The following ENOX1 variants were observed in gnomAD, a reference collection of about 807,000 sequenced individuals.
ENOX1 encodes candidate growth-related and time keeping constitutive hydroquinone (NADH) oxidase.
Under a neutral mutation model 82.5 loss-of-function variants are expected in ENOX1, and 42 were observed. The ratio of observed to expected loss-of-function variants is 0.51; its 90% CI spans 0.40 to 0.66. ENOX1 has a LOEUF of 0.66. Ranked by LOEUF, ENOX1 falls within the 30% of genes least tolerant of loss-of-function variation. The pLI is 0.00. For synonymous variants in ENOX1, 271 were observed against 282.2 expected (o/e 0.96, Z 0.40); for missense variants, 608 against 811.6 (o/e 0.75, Z 3.05).
chr13:43,477,517 C>A (rs1415154716), intron 3 of ENOX1, among the ~76,000 whole-genome samples: 1 of 152,022 alleles, frequency 6.6e-6, no homozygotes, highest in Non-Finnish European at 1.5e-5. Flanking sequence ...GATTATTTTC[C>A]ATCTTCAGAA....
intron 15 of ENOX1, among the ~76,000 whole-genome samples, chr13:43,236,317 G>A (rs2153458973): frequency 6.6e-6 from 1 of 152,300 alleles, no homozygotes; most frequent in African/African-American, 2.4e-5. Context: ...GGAACTAGAT[G>A]CAACCTGGCC....
chr13:43,728,006 T>G (rs2089095273), intron 1 of ENOX1, among the ~76,000 whole-genome samples: 1 of 152,234 alleles, frequency 6.6e-6, no homozygotes, highest in Admixed American at 6.5e-5. Context: ...TGCAATAGTT[T>G]AATGTACTAA....
At chr13:43,376,151 G>A (rs2051619898) in intron 5 of ENOX1, among the ~76,000 whole-genome samples, 1 of 152,094 alleles carries the variant, frequency 6.6e-6, no homozygotes, top group Non-Finnish European at 1.5e-5. Context: ...AGATCTTCAT[G>A]TTTTTTCAAA....
chr13:43,307,449 T>C (rs1030986075), intron 11 of ENOX1, among the ~76,000 whole-genome samples: 2 of 152,168 alleles, frequency 1.3e-5, no homozygotes, highest in Admixed American at 1.3e-4. Flanking sequence ...CATGCCAACA[T>C]TTTAGAGCCA....
intron 8 of ENOX1, among the ~76,000 whole-genome samples, chr13:43,345,187 G>A (rs9533459): frequency 0.27 from 40,920 of 152,084 alleles, 6,335 homozygotes; most frequent in Non-Finnish European, 0.35. Flanking sequence ...AATCAGCTGA[G>A]TTAGTATTAA....
At chr13:43,624,379 T>C (rs2082877004) in intron 2 of ENOX1, among the ~76,000 whole-genome samples, 1 of 152,174 alleles carries the variant, frequency 6.6e-6, no homozygotes, top group Non-Finnish European at 1.5e-5. Context: ...GCTTATATTT[T>C]CATCTACTCA....
At chr13:43,697,155 G>A (rs1411107407) in intron 1 of ENOX1, among the ~76,000 whole-genome samples, 4 of 152,140 alleles carry the variant, frequency 2.6e-5, no homozygotes, top group Admixed American at 1.3e-4. Flanking sequence ...TAGTAGGAGC[G>A]GGAAGGAAAT....
At chr13:43,735,621 T>C (rs886508008) in intron 1 of ENOX1, among the ~76,000 whole-genome samples, 16 of 151,978 alleles carry the variant, frequency 1.1e-4, no homozygotes, top group East Asian at 3.9e-4. Flanking sequence ...CTTGGGAGGC[T>C]GAGGCAGGAG....
chr13:43,683,512 C>T (rs2085902433), intron 1 of ENOX1, among the ~76,000 whole-genome samples: 1 of 152,048 alleles, frequency 6.6e-6, no homozygotes. Flanking sequence ...TAAAAATACA[C>T]CAACTTCAGT....
At chr13:43,705,796 C>A (rs1262665374) in intron 1 of ENOX1, among the ~76,000 whole-genome samples, 1 of 152,026 alleles carries the variant, frequency 6.6e-6, no homozygotes, top group African/African-American at 2.4e-5. Flanking sequence ...AAGATTTGAA[C>A]ATTATCAGTG....
chr13:43,263,104 C>A (rs2044172478), intron 14 of ENOX1, among the ~76,000 whole-genome samples: 1 of 152,246 alleles, frequency 6.6e-6, no homozygotes, highest in African/African-American at 2.4e-5. Context: ...ATGATTAATT[C>A]TTTTCTTTCA....
intron 3 of ENOX1, among the ~76,000 whole-genome samples, chr13:43,441,097 A>G (rs189854663): frequency 5.0e-4 from 76 of 152,312 alleles, no homozygotes; most frequent in Non-Finnish European, 8.7e-4. Context: ...AAGACTGAAG[A>G]TCTGTCCTAC....
intron 3 of ENOX1, among the ~76,000 whole-genome samples, chr13:43,424,062 C>CA (rs2055142691): frequency 6.6e-6 from 1 of 152,126 alleles, no homozygotes; most frequent in Admixed American, 6.6e-5. Context: ...ATATAGCCAT[C>CA]AAAAGAGGTG....
chr13:43,650,293 T>C (rs992269935), intron 2 of ENOX1, among the ~76,000 whole-genome samples: 2 of 152,236 alleles, frequency 1.3e-5, no homozygotes, highest in South Asian at 2.1e-4. Flanking sequence ...TCTGTCTCTG[T>C]AGCATATTCT....
chr13:43,236,742 T>C lies in ENOX1; in HGVS notation c.1612-4A>G, dbSNP rs1037608097. 3.8e-6 allele frequency: 6 copies of C among 1,559,524 alleles called. No individual in the cohort carries two copies. Among genetic ancestry groups the C allele is most frequent in the Non-Finnish European group, 5.2e-6 (6 of 1,161,818 alleles). ...CAACTGTCAACACATTGATTTCCTA[T>C]AAAGTTAAAAGCCAAAAACCATATA... On this transcript the variant is annotated splice_region_variant and splice_polypyrimidine_tract_variant and intron_variant, in intron 14 of 16. Coordinates refer to ENST00000690772, the MANE Select transcript of ENOX1 (RefSeq NM_001347969.2).
chr13:43,624,365 C>T (rs1362935592), intron 2 of ENOX1, among the ~76,000 whole-genome samples: 3 of 152,166 alleles, frequency 2.0e-5, no homozygotes, highest in African/African-American at 4.8e-5. Flanking sequence ...TCTCCGAATC[C>T]ATAGCTTATA....
intron 13 of ENOX1, among the ~76,000 whole-genome samples, chr13:43,268,386 T>C (rs2044500823): frequency 6.6e-6 from 1 of 152,222 alleles, no homozygotes; most frequent in African/African-American, 2.4e-5. Context: ...TCTGAAATCA[T>C]ACAGAGTCAG....
intron 1 of ENOX1, among the ~76,000 whole-genome samples, chr13:43,738,945 T>G (rs1272285233): frequency 1.3e-5 from 2 of 152,208 alleles, no homozygotes; most frequent in Non-Finnish European, 2.9e-5. Flanking sequence ...TCCATACTCA[T>G]GGCTTAGCGG....
intron 14 of ENOX1, among the ~76,000 whole-genome samples, chr13:43,253,748 C>G (rs974682211): frequency 1.3e-5 from 2 of 152,136 alleles, no homozygotes; most frequent in African/African-American, 4.8e-5. Context: ...TTTTATACCA[C>G]TAATCCTGGT....
Sources: gnomAD v4.1 joint callset for allele counts (sites outside exome capture counted in the v4.1 genomes callset) on GRCh38, gnomAD v4.1.1 for gene constraint, MANE v1.5 for transcripts, NCBI Gene and HGNC (gene_info 2026-07-23, HGNC 2026-07-21) for gene names.